Variants in BTBD9 observed in about 807,000 individuals in gnomAD.
The protein encoded by BTBD9 is BTB domain containing 9, also known as BTB/POZ domain-containing protein 9.
BTBD9 carries 49 observed loss-of-function variants against 64.3 expected under a neutral mutation model. The observed-to-expected ratio is 0.76, with a 90% CI of 0.61 to 0.97. The LOEUF (loss-of-function observed/expected upper bound fraction) is 0.97, where lower values mean the gene tolerates loss of function less well. BTBD9 is among the 50% of genes least tolerant of loss of function. BTBD9 has a pLI of 0.00. For missense variants in BTBD9, 598 were observed against 762.1 expected (o/e 0.78, Z 2.53); for synonymous variants, 260 against 274.7 (o/e 0.95, Z 0.53).
chr6:38,577,440 A>G (rs1171889963), intron 6 of BTBD9, among the ~76,000 whole-genome samples, 160 bp downstream of exon 6: 1 of 152,214 alleles, frequency 6.6e-6, no homozygotes, highest in Non-Finnish European at 1.5e-5. Flanking sequence ...ATTAAGATGC[A>G]TGATTTTCCA....
intron 7 of BTBD9, among the ~76,000 whole-genome samples, chr6:38,294,612 T>C (rs1762091605): frequency 6.6e-6 from 1 of 151,824 alleles, no homozygotes; most frequent in Admixed American, 6.6e-5. Context: ...TGAGAACACA[T>C]GGACACAGGG....
intron 6 of BTBD9, among the ~76,000 whole-genome samples, chr6:38,384,606 A>ATGTG (rs1766075375): frequency 6.6e-6 from 1 of 152,230 alleles, no homozygotes; most frequent in Non-Finnish European, 1.5e-5. Context: ...CCTAAGAGTC[A>ATGTG]CATAATAAGG....
chr6:38,382,954 T>G (rs572386310), intron 6 of BTBD9, among the ~76,000 whole-genome samples: 5 of 152,274 alleles, frequency 3.3e-5, no homozygotes, highest in African/African-American at 1.2e-4. Context: ...AGGTGAATTC[T>G]ACCAAACATT....
chr6:38,638,837 C>T (rs1348283265), intron 1 of BTBD9, among the ~76,000 whole-genome samples: 2 of 152,204 alleles, frequency 1.3e-5, no homozygotes, highest in African/African-American at 2.4e-5. Flanking sequence ...CTCCAATATT[C>T]CTCGCTCCCA....
chr6:38,443,323 A>G (rs1769125267), intron 6 of BTBD9, among the ~76,000 whole-genome samples: 1 of 152,154 alleles, frequency 6.6e-6, no homozygotes, highest in Non-Finnish European at 1.5e-5. Context: ...AGGGGTGAGA[A>G]TATGTTTTCC....
intron 6 of BTBD9, among the ~76,000 whole-genome samples, chr6:38,484,348 A>C (rs4714169): frequency 6.6e-6 from 1 of 152,268 alleles, no homozygotes; most frequent in African/African-American, 2.4e-5. Flanking sequence ...GCAGATGGGC[A>C]AAAGTTCTAG....
At chr6:38,443,276 C>CT (rs1366781304) in intron 6 of BTBD9, among the ~76,000 whole-genome samples, 2 of 152,152 alleles carry the variant, frequency 1.3e-5, no homozygotes, top group African/African-American at 2.4e-5. Context: ...ATATAACACA[C>CT]TTAAGATTAG....
intron 6 of BTBD9, among the ~76,000 whole-genome samples, chr6:38,462,238 G>C (rs1174523761): frequency 6.6e-6 from 1 of 152,034 alleles, no homozygotes; most frequent in Non-Finnish European, 1.5e-5. Context: ...GCCTAAACAA[G>C]AGAAAACAAA....
In BTBD9 at chr6:38,342,535, CAA is replaced by C. The variant is rs762825969; in HGVS notation, c.1264+2447_1264+2448del. Among the ~76,000 whole-genome samples the C allele has an allele frequency of 3.7e-3, 203 of 54,826 alleles. 1 individual carries two copies. Among genetic ancestry groups the C allele is most frequent in the African/African-American group, 9.4e-3 (165 of 17,628 alleles). The allele number at this position is 54,826 out of a possible 152,430, so 36.0% of individuals were successfully genotyped here. A position where few individuals can be genotyped will look rare whatever the true frequency, so the allele number is the denominator to read the frequency against. ...TGGACAACAGAGCGAGACTCTGTCT[CAA>C]AAAAAAAAAAAAAAAAAAAAGTAGG... On this transcript the variant is annotated intron_variant, in intron 7 of 10. Coordinates refer to ENST00000481247, the MANE Select transcript of BTBD9 (RefSeq NM_001099272.2).
chr6:38,430,564 G>T (rs1489680350), intron 6 of BTBD9, among the ~76,000 whole-genome samples: 1 of 151,900 alleles, frequency 6.6e-6, no homozygotes, highest in East Asian at 1.9e-4. Context: ...TGCCCAGGCT[G>T]GGGTGCAGAG....
intron 6 of BTBD9, among the ~76,000 whole-genome samples, chr6:38,420,347 C>T (rs1390790346): frequency 1.3e-5 from 2 of 152,120 alleles, no homozygotes; most frequent in East Asian, 1.9e-4. Flanking sequence ...GGAAACTATA[C>T]TCACAAGCTG....
At chr6:38,371,390 C>G (rs534932053) in intron 6 of BTBD9, among the ~76,000 whole-genome samples, 2 of 152,282 alleles carry the variant, frequency 1.3e-5, no homozygotes, top group Non-Finnish European at 2.9e-5. Context: ...GTGATGGATG[C>G]TAAGAACACT....
At chr6:38,561,736 G>C (rs1226670815) in intron 6 of BTBD9, among the ~76,000 whole-genome samples, 1 of 152,110 alleles carries the variant, frequency 6.6e-6, no homozygotes, top group East Asian at 1.9e-4. Context: ...GCTAAACAGT[G>C]GGTACATATG....
At chr6:38,540,132 C>T (rs1233774029) in intron 6 of BTBD9, among the ~76,000 whole-genome samples, 1 of 152,126 alleles carries the variant, frequency 6.6e-6, no homozygotes, top group East Asian at 1.9e-4. Flanking sequence ...CAAAAGTATA[C>T]TAGGGGCACA....
chr6:38,637,293 A>T (rs1778559630), intron 1 of BTBD9, among the ~76,000 whole-genome samples: 1 of 152,238 alleles, frequency 6.6e-6, no homozygotes, highest in Non-Finnish European at 1.5e-5. Context: ...GTCTCGCCAT[A>T]GCCAGCACCC....
chr6:38,533,487 G>GAACA (rs1339673661), intron 6 of BTBD9, among the ~76,000 whole-genome samples: 1 of 151,990 alleles, frequency 6.6e-6, no homozygotes, highest in Non-Finnish European at 1.5e-5. Flanking sequence ...ATCCAACAAT[G>GAACA]AACAGATCTT....
At chr6:38,291,469 A>C (rs2127557256) in intron 7 of BTBD9, among the ~76,000 whole-genome samples, 1 of 152,194 alleles carries the variant, frequency 6.6e-6, no homozygotes, top group East Asian at 1.9e-4. Context: ...CTCTCTTCCT[A>C]TTTGAATATC....
At chr6:38,433,721 G>A (rs1469788268) in intron 6 of BTBD9, among the ~76,000 whole-genome samples, 1 of 151,930 alleles carries the variant, frequency 6.6e-6, no homozygotes, top group Non-Finnish European at 1.5e-5. Context: ...TCTTCACATG[G>A]ACACATGTGA....
At chr6:38,305,175 G>A (rs1288582536) in intron 7 of BTBD9, among the ~76,000 whole-genome samples, 3 of 151,896 alleles carry the variant, frequency 2.0e-5, no homozygotes, top group Non-Finnish European at 2.9e-5. Context: ...GAATAAAGCA[G>A]AAAAAAATTG....
Sources: gnomAD v4.1 joint callset for allele counts (sites outside exome capture counted in the v4.1 genomes callset) on GRCh38, gnomAD v4.1.1 for gene constraint, MANE v1.5 for transcripts, NCBI Gene and HGNC (gene_info 2026-07-23, HGNC 2026-07-21) for gene names.